The following KCNIP4 variants were observed in gnomAD, a reference collection of about 807,000 sequenced individuals.
The protein encoded by KCNIP4 is Kv channel-interacting protein 4.
Under a neutral mutation model 34.0 loss-of-function variants are expected in KCNIP4, and 12 were observed. The ratio of observed to expected loss-of-function variants is 0.35; its 90% confidence interval spans 0.23 to 0.57. The LOEUF (loss-of-function observed/expected upper bound fraction) is 0.57. Among genes scored for constraint, KCNIP4 ranks in the 20% least tolerant of loss-of-function variants. KCNIP4 has a pLI of 0.83. For missense variants in KCNIP4, 238 were observed against 311.7 expected (o/e 0.76, Z 1.78); for synonymous variants, 124 against 102.2 (o/e 1.21, Z -1.29).
intron 1 of KCNIP4, among the ~76,000 whole-genome samples, chr4:21,022,736 T>G (rs1040608888): frequency 2.0e-5 from 3 of 152,224 alleles, no homozygotes; most frequent in African/African-American, 7.2e-5. Flanking sequence ...TATTTTGTCC[T>G]TTAAGAATCA....
rs148299592 is a variant in KCNIP4, at chr4:21,264,972, G to A, written c.62-382263C>T. Among the ~76,000 whole-genome samples, 563 of 152,032 alleles carry A rather than the reference G, an allele frequency of 3.7e-3. 2 individuals are homozygous for A. Among genetic ancestry groups the A allele is most frequent in the African/African-American group, 0.012 (491 of 41,486 alleles). ...CACTTAGCCAGGCGTGGTGACTTGC[G>A]CCTGTGATCCCGGCAACTCGGGAGG... is the stretch of plus-strand genomic sequence containing the variant. On this transcript the variant is annotated intron_variant, in intron 1 of 8. Transcript: ENST00000382152.
At chr4:21,457,898 A>G (rs1729100837) in intron 1 of KCNIP4, among the ~76,000 whole-genome samples, 1 of 152,030 alleles carries the variant, frequency 6.6e-6, no homozygotes, top group South Asian at 2.1e-4. Context: ...AATCATGACC[A>G]TCAGTTTTTG....
chr4:21,411,098 T>A (rs193054909), intron 1 of KCNIP4, among the ~76,000 whole-genome samples: 25 of 152,182 alleles, frequency 1.6e-4, no homozygotes, highest in Non-Finnish European at 7.4e-5. Context: ...TGAGCTAGAG[T>A]GACTAATTGG....
At chr4:20,790,347 A>G (rs1160645043) in intron 3 of KCNIP4, among the ~76,000 whole-genome samples, 1 of 152,186 alleles carries the variant, frequency 6.6e-6, no homozygotes, top group Non-Finnish European at 1.5e-5. Context: ...CTACTGTAGA[A>G]TTTATAAGTA....
At chr4:21,688,578 A>G (rs1321697024) in intron 1 of KCNIP4, among the ~76,000 whole-genome samples, 1 of 152,170 alleles carries the variant, frequency 6.6e-6, no homozygotes, top group Non-Finnish European at 1.5e-5. Flanking sequence ...AAATCAATAT[A>G]CATTACAGAA....
At chr4:21,684,111 C>T (rs951301280) in intron 1 of KCNIP4, among the ~76,000 whole-genome samples, 6 of 151,806 alleles carry the variant, frequency 4.0e-5, no homozygotes, top group African/African-American at 1.5e-4. Context: ...TACCTCCAAA[C>T]CTAAAATAAA....
At chr4:21,830,440 CGAG>C (rs1722913547) in intron 1 of KCNIP4, among the ~76,000 whole-genome samples, 1 of 151,964 alleles carries the variant, frequency 6.6e-6, no homozygotes, top group Non-Finnish European at 1.5e-5. Context: ...TTTGGGAGGC[CGAG>C]GCGGGCTGGA....
intron 1 of KCNIP4, among the ~76,000 whole-genome samples, chr4:21,675,648 A>C (rs2109015684): frequency 6.6e-6 from 1 of 152,286 alleles, no homozygotes; most frequent in South Asian, 2.1e-4. Flanking sequence ...TTTTCTAAAA[A>C]TTTCAATTTA....
chr4:21,600,258 A>C (rs890515488), intron 1 of KCNIP4, among the ~76,000 whole-genome samples: 1 of 152,140 alleles, frequency 6.6e-6, no homozygotes, highest in Non-Finnish European at 1.5e-5. Flanking sequence ...TTTTGTGTCT[A>C]GATCCTTGAT....
intron 1 of KCNIP4, among the ~76,000 whole-genome samples, chr4:20,969,658 A>G (rs960256290): frequency 1.3e-5 from 2 of 152,196 alleles, no homozygotes; most frequent in Non-Finnish European, 2.9e-5. Flanking sequence ...TTCTAAATAT[A>G]TAAGGAACTT....
intron 1 of KCNIP4, among the ~76,000 whole-genome samples, chr4:21,575,601 T>C (rs983148928): frequency 6.6e-6 from 1 of 152,182 alleles, no homozygotes; most frequent in African/African-American, 2.4e-5. Context: ...CGTTTTCTGT[T>C]ATCTGCATAA....
intron 1 of KCNIP4, among the ~76,000 whole-genome samples, chr4:21,027,401 A>C (rs1008323962): frequency 6.6e-6 from 1 of 152,024 alleles, no homozygotes; most frequent in Non-Finnish European, 1.5e-5. Context: ...GGGTTAAATC[A>C]AGAGCATTTG....
At chr4:20,774,982 T>C (rs1756249501) in intron 3 of KCNIP4, among the ~76,000 whole-genome samples, 1 of 152,214 alleles carries the variant, frequency 6.6e-6, no homozygotes, top group Non-Finnish European at 1.5e-5. Flanking sequence ...CCCAATCGCA[T>C]TCTAAACACT....
chr4:21,015,972 G>A (rs1739502578), intron 1 of KCNIP4, among the ~76,000 whole-genome samples: 1 of 144,106 alleles, frequency 6.9e-6, no homozygotes, highest in Non-Finnish European at 1.5e-5. Context: ...CTTACGGCAT[G>A]TCAGGTACTA....
chr4:21,865,313 C>CAAAAAAAAAA (rs796120723), intron 1 of KCNIP4, among the ~76,000 whole-genome samples: 1 of 91,426 alleles, frequency 1.1e-5, no homozygotes. Context: ...CACAAACAAA[C>CAAAAAAAAAA]AAAAAAAAAA....
At chr4:21,565,765 A>G (rs1739833401) in intron 1 of KCNIP4, among the ~76,000 whole-genome samples, 1 of 152,152 alleles carries the variant, frequency 6.6e-6, no homozygotes, top group African/African-American at 2.4e-5. Flanking sequence ...TAAAGCTCTT[A>G]TTTTTGAAAA....
intron 1 of KCNIP4, among the ~76,000 whole-genome samples, chr4:21,634,860 A>G (rs1746016799): frequency 6.6e-6 from 1 of 152,180 alleles, no homozygotes; most frequent in Non-Finnish European, 1.5e-5. Flanking sequence ...AAGAACTCAC[A>G]TTTTATAGTC....
At position 21,179,199 on chromosome 4, in the gene KCNIP4, A is replaced by G. The variant is rs151125002; in HGVS notation, c.62-296490T>C. On this transcript the variant is annotated intron_variant, in intron 1 of 8. Coordinates refer to ENST00000382152, the MANE Select transcript of KCNIP4 (RefSeq NM_025221.6). ...CCCCATATTCTAAGACTCATTTCTCAGCCTGGGCTTTTGCCCAACTCATTT... is the reference window on the plus strand; with the variant it reads ...CCCCATATTCTAAGACTCATTTCTCGGCCTGGGCTTTTGCCCAACTCATTT... Among the ~76,000 whole-genome samples, 266 of 152,308 alleles carry G rather than the reference A, an allele frequency of 1.7e-3. 1 individual carries two copies. The highest frequency in any genetic ancestry group is 6.1e-3 in the African/African-American group (252 of 41,584).
intron 1 of KCNIP4, chr4:21,844,750 G>A (rs1404951782): frequency 6.6e-6 from 1 of 151,882 alleles, no homozygotes; most frequent in African/African-American, 2.4e-5. Context: ...TATTTCAACA[G>A]GACACAGTGT....
Sources: gnomAD v4.1 joint callset for allele counts (sites outside exome capture counted in the v4.1 genomes callset) on GRCh38, gnomAD v4.1.1 for gene constraint, MANE v1.5 for transcripts, NCBI Gene and HGNC (gene_info 2026-07-23, HGNC 2026-07-21) for gene names.